CDH26: variants seen among roughly 807,000 people sequenced by gnomAD.
CDH26 encodes cadherin 26.
Under a neutral mutation model 90.3 loss-of-function variants are expected in CDH26, and 83 were observed. The observed-to-expected ratio is 0.92, with a 90% CI of 0.77 to 1.10. CDH26 has a LOEUF of 1.10. Among genes scored for constraint, CDH26 ranks in the 50% least tolerant of loss-of-function variants. The probability of loss-of-function intolerance (pLI) is 0.00; values close to 1 mark genes in which losing one functional copy is unlikely to be tolerated. For missense variants in CDH26, 1,013 were observed against 1,037.6 expected (o/e 0.98, Z 0.33); for synonymous variants, 397 against 396.3 (o/e 1.00, Z -0.02).
chr20:59,982,658 G>C (rs1051215177), intron 4 of CDH26, among the ~76,000 whole-genome samples: 1 of 152,194 alleles, frequency 6.6e-6, no homozygotes, highest in African/African-American at 2.4e-5. Context: ...GAGAGACTGA[G>C]ATTTGAACCT....
At chr20:60,015,312 A>T (rs2061895868), downstream of CDH26, among the ~76,000 whole-genome samples, 1 of 152,154 alleles carries the variant, frequency 6.6e-6, no homozygotes, top group African/African-American at 2.4e-5. Flanking sequence ...TGACTCTTTG[A>T]TAGTAGCTAT....
Position 59,979,707 on chromosome 20 carries a change from A to G in CDH26, c.394-3216A>G, listed in dbSNP as rs144795546. Among the ~76,000 whole-genome samples, 593 of 133,482 alleles carry G rather than the reference A, an allele frequency of 4.4e-3. 6 individuals carry two copies. The highest frequency in any genetic ancestry group is 0.015 in the African/African-American group (534 of 34,494). The allele number at this position is 133,482 out of a possible 152,430, so 87.6% of individuals were successfully genotyped here. A position where few individuals can be genotyped will look rare whatever the true frequency, so the allele number is the denominator to read the frequency against. On this transcript the variant is annotated intron_variant, in intron 4 of 17. Transcript: ENST00000348616. The stretch of plus-strand genomic sequence containing the variant: ...AATGGTGCGATCTCAGCTTATTGCA[A>G]TCTTGGCCTCCTGGGTTCAAGCGAT...
intron 4 of CDH26, among the ~76,000 whole-genome samples, chr20:59,980,761 A>G (rs535166464): frequency 5.3e-5 from 8 of 152,356 alleles, no homozygotes; most frequent in African/African-American, 1.9e-4. Flanking sequence ...AAAAGTTATT[A>G]CATTTTGATA....
At chr20:59,978,411 T>C (rs997733256) in intron 4 of CDH26, among the ~76,000 whole-genome samples, 26 of 151,888 alleles carry the variant, frequency 1.7e-4, no homozygotes, top group African/African-American at 6.0e-4. Context: ...AGTCTTGCTC[T>C]GTCACCCAGG....
chr20:60,005,778 C>T (rs1262692178), intron 16 of CDH26, among the ~76,000 whole-genome samples: 2 of 152,128 alleles, frequency 1.3e-5, no homozygotes, highest in African/African-American at 4.8e-5. Flanking sequence ...CTTTGCAGAA[C>T]CCAGCCTAAG....
intron 7 of CDH26, among the ~76,000 whole-genome samples, chr20:60,028,460 C>T (rs778894303): frequency 5.9e-5 from 9 of 152,112 alleles, no homozygotes; most frequent in African/African-American, 2.2e-4. Flanking sequence ...ATTGATTTAG[C>T]GAGAGGCAAT....
At chr20:60,031,892 C>A (rs1198924076) in intron 8 of CDH26, among the ~76,000 whole-genome samples, 1 of 152,192 alleles carries the variant, frequency 6.6e-6, no homozygotes, top group Non-Finnish European at 1.5e-5. Flanking sequence ...CCCCAACAGG[C>A]AGCTGTCTGC....
Position 59,995,838 on chromosome 20 carries a change from T to A in CDH26, c.1672T>A (p.Ser558Thr). Residue 558 changes from serine (S) to threonine (T), a missense_variant, in exon 12 of 18, where the codon TCA becomes ACA. Physicochemically the swap from Ser to Thr is moderately conservative, Grantham distance 58 (BLOSUM62 1). Coordinates refer to ENST00000348616, the MANE Select transcript of CDH26 (RefSeq NM_177980.4). ...TGTTCTTTTTCCCTTTGCAGGTCAA[T>A]CAGTTGAACTTTTAACCTTGAGAAG... ...TWKLGRNWGQ[S>T]VELLTLRSLP... is the part of the protein sequence containing the mutation. 1 of 1,613,826 alleles carries A rather than the reference T, an allele frequency of 6.2e-7. No individual in the cohort carries two copies. The highest frequency in any genetic ancestry group is 1.1e-5 in the South Asian group (1 of 91,070).
chr20:59,987,554 C>G lies in CDH26; in HGVS notation c.939C>G (p.Phe313Leu). 6.2e-7 allele frequency: 1 copy of G among 1,613,940 alleles called. No individual in the cohort carries two copies. Among genetic ancestry groups the G allele is most frequent in the Non-Finnish European group, 8.5e-7 (1 of 1,179,924 alleles). The change falls in exon 8 of 18, where the codon TTC becomes TTG. Residue 313 changes from phenylalanine (F) to leucine (L), a missense_variant. Physicochemically the swap from Phe to Leu is conservative, Grantham distance 22. Transcript: ENST00000348616. The part of the protein sequence containing the change: ...SPFTSAWRAK[F>L]NILHGNEEGH... ...TTACATCAGCTTGGAGAGCAAAATT[C>G]AACATATTGCATGGCAATGAAGAGG... is the stretch of plus-strand genomic sequence containing the variant.
intron 8 of CDH26, among the ~76,000 whole-genome samples, chr20:59,988,156 C>G (rs981851940): frequency 3.9e-5 from 6 of 152,182 alleles, no homozygotes; most frequent in Admixed American, 6.5e-5. Flanking sequence ...ATCTCATTTA[C>G]TGATTAGGAA....
chr20:60,014,908 A>T (rs2061892320), downstream of CDH26, among the ~76,000 whole-genome samples: 1 of 152,218 alleles, frequency 6.6e-6, no homozygotes, highest in African/African-American at 2.4e-5. Context: ...ACTAATTTAC[A>T]TTCCTACCAA....
Position 59,993,131 on chromosome 20 carries a change from CG to C in CDH26, c.1426+617del, listed in dbSNP as rs556288460. Among the ~76,000 whole-genome samples, 157 of 152,100 alleles carry C rather than the reference CG, an allele frequency of 1.0e-3. 1 individual carries two copies. The highest frequency in any genetic ancestry group is 3.6e-3 in the African/African-American group (151 of 41,452). Reference sequence around the variant, plus strand: ...CTGTAATTAACTAGTGGAATGTTGGCGGGGGGCAATGGAGATATGAAACACG... The same window carrying C: ...CTGTAATTAACTAGTGGAATGTTGGCGGGGGCAATGGAGATATGAAACACG... On this transcript the variant is annotated intron_variant, in intron 10 of 17. Transcript: ENST00000348616.
At chr20:60,031,208 C>A (rs1417396030) in intron 7 of CDH26, 1 of 1,088,524 alleles carries the variant, frequency 9.2e-7, no homozygotes, top group African/African-American at 1.7e-5. Flanking sequence ...TTCTAATGAG[C>A]ACCTCTTACC....
chr20:59,971,772 C>T (rs942078981), intron 3 of CDH26, among the ~76,000 whole-genome samples, 190 bp from the exon 4 acceptor site: 1 of 152,172 alleles, frequency 6.6e-6, no homozygotes, highest in African/African-American at 2.4e-5. Flanking sequence ...CTGTTACAGA[C>T]CAAACTGAAG....
chr20:59,975,177 G>A (rs997824306), intron 4 of CDH26, among the ~76,000 whole-genome samples: 1 of 152,130 alleles, frequency 6.6e-6, no homozygotes, highest in Non-Finnish European at 1.5e-5. Context: ...ACCTTATTTG[G>A]ATATAGGGTC....
At position 59,958,713 on chromosome 20, in the gene CDH26, T is replaced by C; in HGVS notation, c.-14T>C. On this transcript the variant is annotated 5_prime_UTR_variant, in exon 1 of 18. Transcript: ENST00000348616. ...ATCAGCTGCACGTTCTGGGTCTGTCTTGGGTATTCCCATATGGCCATGAGA... is the reference window on the plus strand; with the variant it reads ...ATCAGCTGCACGTTCTGGGTCTGTCCTGGGTATTCCCATATGGCCATGAGA... The C allele has an allele frequency of 6.2e-7, 1 of 1,614,076 alleles. No individual in the cohort carries two copies.
chr20:59,968,051 C>CTG (rs1209962487), intron 1 of CDH26, among the ~76,000 whole-genome samples: 1 of 133,976 alleles, frequency 7.5e-6, no homozygotes, highest in African/African-American at 3.2e-5. Flanking sequence ...CTCTCTCTCT[C>CTG]TGTCTCTCTC....
chr20:60,026,975 C>T (rs2062002737), intron 7 of CDH26, among the ~76,000 whole-genome samples: 2 of 152,142 alleles, frequency 1.3e-5, no homozygotes, highest in African/African-American at 4.8e-5. Context: ...GATATGGCGA[C>T]TATTGGTATG....
At chr20:59,996,248 C>T in intron 12 of CDH26, 194 bp downstream of exon 12, 1 of 1,063,056 alleles carries the variant, frequency 9.4e-7, no homozygotes, top group Non-Finnish European at 1.3e-6. Flanking sequence ...GATCCCTGGC[C>T]AGCAAAAGCA....
Sources: gnomAD v4.1 joint callset for allele counts (sites outside exome capture counted in the v4.1 genomes callset) on GRCh38, gnomAD v4.1.1 for gene constraint, MANE v1.5 for transcripts, NCBI Gene and HGNC (gene_info 2026-07-23, HGNC 2026-07-21) for gene names.